Variants in CPNE9 observed in about 807,000 individuals in gnomAD.
The protein encoded by CPNE9 is copine-9.
A neutral mutation model predicts 83.0 loss-of-function variants in CPNE9; 59 were observed. The observed-to-expected ratio is 0.71, with a 90% confidence interval of 0.58 to 0.88. CPNE9 has a LOEUF of 0.88. CPNE9 is among the 40% of genes least tolerant of loss of function. CPNE9 has a pLI of 0.00. For missense variants in CPNE9, 619 were observed against 720.8 expected (o/e 0.86, Z 1.62); for synonymous variants, 256 against 273.4 (o/e 0.94, Z 0.63).
At chr3:9,709,861 G>A (rs970968884) in intron 7 of CPNE9, among the ~76,000 whole-genome samples, 10 of 151,714 alleles carry the variant, frequency 6.6e-5, no homozygotes, top group South Asian at 4.2e-4. Context: ...ATGGTGGAGC[G>A]TGCCTGTAAT....
intron 7 of CPNE9, among the ~76,000 whole-genome samples, chr3:9,710,430 G>C (rs1485804445): frequency 6.6e-6 from 1 of 152,166 alleles, no homozygotes; most frequent in Non-Finnish European, 1.5e-5. Context: ...ATTTTGTTCA[G>C]TGAGTAGGAA....
At chr3:9,715,064 G>T in intron 11 of CPNE9, 109 bp downstream of exon 11, 2 of 1,074,696 alleles carry the variant, frequency 1.9e-6, no homozygotes, top group South Asian at 1.4e-5. Context: ...GCCAGGAAAG[G>T]TGATGATAAA....
chr3:9,716,155 A>C (rs2076682129), intron 14 of CPNE9, 120 bp downstream of exon 14: 1 of 844,242 alleles, frequency 1.2e-6, no homozygotes, highest in Non-Finnish European at 1.9e-6. Flanking sequence ...ATAAACTTTA[A>C]AACACTTGGC....
chr3:9,717,964 G>T (rs545437783), intron 15 of CPNE9, 65 bp from the exon 16 acceptor site: 880 of 1,404,006 alleles, frequency 6.3e-4, no homozygotes, highest in Non-Finnish European at 7.8e-4. Context: ...TGCACACAAA[G>T]ATAAGCAGGT....
At chr3:9,718,838 T>C (rs1181923660) in intron 17 of CPNE9, among the ~76,000 whole-genome samples, 5 of 147,492 alleles carry the variant, frequency 3.4e-5, no homozygotes, top group African/African-American at 1.3e-4. Context: ...CCATCTCTTT[T>C]TTTTTTTTTT....
chr3:9,706,837 G>T (rs1464843281), intron 7 of CPNE9, among the ~76,000 whole-genome samples: 1 of 152,196 alleles, frequency 6.6e-6, no homozygotes, highest in Non-Finnish European at 1.5e-5. Flanking sequence ...AGGCAGAGGA[G>T]ACTGCCAGTG....
chr3:9,709,016 G>A (rs1425074524), intron 7 of CPNE9, among the ~76,000 whole-genome samples: 2 of 149,324 alleles, frequency 1.3e-5, no homozygotes, highest in Admixed American at 6.7e-5. Flanking sequence ...GTTCACACCT[G>A]TAATCCCAGC....
chr3:9,729,586 C>T lies in CPNE9; in HGVS notation c.1556C>T (p.Ala519Val). The T allele has an allele frequency of 4.3e-6, 7 of 1,614,156 alleles. No individual in the cohort carries two copies. The highest frequency in any genetic ancestry group is 5.9e-6 in the Non-Finnish European group (7 of 1,180,028). ...GCCCGACTGGCCAAGGATGTGCTGG[C>T]CGAGATCCCGGAGCAGCTGCTGTCC... The part of the protein sequence containing the change: ...SMARLAKDVL[A>V]EIPEQLLSYM... Residue 519 changes from alanine (A) to valine (V), a missense_variant, in exon 21 of 21, where the codon GCC becomes GTC. Physicochemically the swap from Ala to Val is moderately conservative, Grantham distance 64. Coordinates refer to ENST00000383832, the MANE Select transcript of CPNE9 (RefSeq NM_153635.3).
chr3:9,710,451 T>C (rs2076615462), intron 7 of CPNE9, among the ~76,000 whole-genome samples: 1 of 152,134 alleles, frequency 6.6e-6, no homozygotes, highest in African/African-American at 2.4e-5. Flanking sequence ...ACAAGGTCAT[T>C]GGCTGAGAAT....
chr3:9,721,598 G>A (rs1000165889), intron 17 of CPNE9, among the ~76,000 whole-genome samples: 11 of 152,160 alleles, frequency 7.2e-5, no homozygotes, highest in Non-Finnish European at 1.3e-4. Context: ...GCTCAGCTGG[G>A]TCTAGAGGAC....
chr3:9,705,926 G>A, intron 6 of CPNE9, 61 bp from the exon 7 acceptor site: 1 of 1,562,276 alleles, frequency 6.4e-7, no homozygotes, highest in South Asian at 1.1e-5. Flanking sequence ...GCATCACTGG[G>A]GCTAGGCTGG....
rs564017325 is a variant in CPNE9, at chr3:9,715,835, G to A, written c.823-139G>A. Reference sequence around the variant, plus strand: ...TTTTCCCCTGTCAGAAGTTGAACAGGGTGGGACTGACTGGGGGAGCGGGTG... The same window carrying A: ...TTTTCCCCTGTCAGAAGTTGAACAGAGTGGGACTGACTGGGGGAGCGGGTG... On this transcript the variant is annotated intron_variant, in intron 13 of 20. Coordinates refer to ENST00000383832, the MANE Select transcript of CPNE9 (RefSeq NM_153635.3). 5 of 711,892 alleles carry A rather than the reference G, an allele frequency of 7.0e-6. No individual in the cohort carries two copies. The East Asian group carries it at 1.1e-4, about 15-fold the overall frequency. 44.1% of individuals were successfully genotyped at this position (711,892 alleles called of 1,614,324 possible). A position where few individuals can be genotyped will look rare whatever the true frequency, so the allele number is the denominator to read the frequency against.
At chr3:9,717,620 T>C (rs997941053) in intron 15 of CPNE9, among the ~76,000 whole-genome samples, 3 of 152,106 alleles carry the variant, frequency 2.0e-5, no homozygotes, top group African/African-American at 4.8e-5. Context: ...AAAATAATAC[T>C]GTTGTATAGA....
intron 4 of CPNE9, 26 bp from the exon 5 acceptor site, chr3:9,705,438 C>G (rs1193672688): frequency 2.0e-6 from 3 of 1,491,102 alleles, no homozygotes; most frequent in Non-Finnish European, 2.7e-6. Context: ...CAGCCCCACC[C>G]CACACCGGTT....
At chr3:9,722,930 A>AT (rs2076746879) in intron 17 of CPNE9, among the ~76,000 whole-genome samples, 1 of 151,474 alleles carries the variant, frequency 6.6e-6, no homozygotes, top group Non-Finnish European at 1.5e-5. Context: ...AACCCAACCC[A>AT]TTTTTCAGGT....
chr3:9,722,165 C>CCG (rs1042867310), intron 17 of CPNE9, among the ~76,000 whole-genome samples: 4 of 151,682 alleles, frequency 2.6e-5, no homozygotes, highest in Admixed American at 1.3e-4. Context: ...GATCCACCCC[C>CCG]CCCCGCCACC....
intron 17 of CPNE9, among the ~76,000 whole-genome samples, chr3:9,720,256 C>T (rs56194004): frequency 0.1 from 15,298 of 151,956 alleles, 971 homozygotes; most frequent in Admixed American, 0.17. Flanking sequence ...ACCCAGCTAA[C>T]ACAAAGCCCC....
intron 17 of CPNE9, among the ~76,000 whole-genome samples, chr3:9,724,150 G>C (rs1575132600): frequency 6.6e-6 from 1 of 151,030 alleles, no homozygotes; most frequent in African/African-American, 2.4e-5. Flanking sequence ...GAAGTCAAGA[G>C]ACCAGGGTCT....
chr3:9,707,210 A>G (rs1049033970), intron 7 of CPNE9, among the ~76,000 whole-genome samples: 2 of 151,824 alleles, frequency 1.3e-5, no homozygotes, highest in Non-Finnish European at 2.9e-5. Context: ...AAACTTAGCT[A>G]GGCATGGTGG....
Sources: allele counts gnomAD v4.1 joint callset (sites outside exome capture counted in the v4.1 genomes callset), GRCh38; gene constraint gnomAD v4.1.1; transcripts MANE v1.5; gene names NCBI Gene and HGNC (gene_info 2026-07-23, HGNC 2026-07-21).